The following DHDDS variants were observed in gnomAD, a reference collection of about 807,000 sequenced individuals.
The protein encoded by DHDDS is dehydrodolichyl diphosphate synthase complex subunit DHDDS.
In DHDDS, 16 loss-of-function variants were observed where a neutral mutation model predicts 46.2. That is an observed-to-expected ratio of 0.35 (90% CI 0.23 to 0.53). The LOEUF is 0.53. Among genes scored for constraint, DHDDS ranks in the 20% least tolerant of loss-of-function variants. The pLI, the probability that DHDDS is intolerant of heterozygous loss-of-function variation, is 0.94. For synonymous variants in DHDDS, 151 were observed against 163.1 expected (o/e 0.93, Z 0.56); for missense variants, 340 against 423.7 (o/e 0.80, Z 1.73).
chr1:26,461,454 C>T (rs370189962), intron 8 of DHDDS, among the ~76,000 whole-genome samples: 70 of 149,670 alleles, frequency 4.7e-4, no homozygotes, highest in Admixed American at 1.2e-3. Context: ...GGCGCAATCT[C>T]GGCTCACCGA....
In DHDDS at chr1:26,457,840, C is replaced by G. The variant is rs1288778858; in HGVS notation, c.592C>G (p.Pro198Ala). 1 of 1,613,890 alleles carries G rather than the reference C, an allele frequency of 6.2e-7. No homozygotes were observed. Among genetic ancestry groups the G allele is most frequent in the African/African-American group, 1.3e-5 (1 of 74,852 alleles). ...TAAGTGCCTCTATACCAACCGCTCT[C>G]CTCATCCTGACATCTTGATACGGAC... ...LDKCLYTNRS[P>A]HPDILIRTSG... Residue 198 changes from proline (P) to alanine (A), a missense_variant, in exon 7 of 9, where the codon CCT becomes GCT. This residue lies in a region of DHDDS where 268 missense variants were observed against 300.3 expected (regional missense o/e 0.89). Transcript: ENST00000236342.
intron 2 of DHDDS, among the ~76,000 whole-genome samples, chr1:26,436,524 T>C (rs1261448336): frequency 6.6e-6 from 1 of 151,938 alleles, no homozygotes; most frequent in African/African-American, 2.4e-5. Flanking sequence ...CCCGGGTTCA[T>C]GCCATTCTGC....
rs527415306 is a variant in DHDDS, at chr1:26,467,150, T to C, written c.766-1745T>C. 13 of 328,992 alleles carry C rather than the reference T, an allele frequency of 4.0e-5. No homozygotes were observed. The East Asian group carries it at 9.4e-4, about 24-fold the overall frequency. The allele number at this position is 328,992 out of a possible 1,614,324, so 20.4% of individuals were successfully genotyped here. A position where few individuals can be genotyped will look rare whatever the true frequency, so the allele number is the denominator to read the frequency against. On this transcript the variant is annotated intron_variant, in intron 8 of 8. Transcript: ENST00000236342. ...TTCATCAGCCACACTTGCTTTCTCC[T>C]CTGAACTGCATGACCCTTACCACAT...
chr1:26,455,007 G>T (rs770939337), intron 6 of DHDDS: 2 of 1,386,974 alleles, frequency 1.4e-6, no homozygotes, highest in East Asian at 4.6e-5. Context: ...TTGTAACGTC[G>T]GAATGGTACG....
intron 8 of DHDDS, among the ~76,000 whole-genome samples, chr1:26,462,087 T>A (rs891603588): frequency 2.0e-5 from 3 of 150,838 alleles, no homozygotes; most frequent in African/African-American, 7.4e-5. Flanking sequence ...TAGCAGGGTC[T>A]CACTCTGTTG....
intron 8 of DHDDS, chr1:26,467,189 G>A (rs958911026): frequency 2.1e-5 from 8 of 372,918 alleles, no homozygotes; most frequent in Middle Eastern, 1.3e-3. Context: ...ATTTTGCATC[G>A]TGGCACTCTG....
intron 6 of DHDDS, chr1:26,454,979 C>T: frequency 1.3e-6 from 2 of 1,553,556 alleles, no homozygotes; most frequent in South Asian, 2.2e-5. Context: ...GGCCTGGGCA[C>T]ACCTGCCAGC....
At chr1:26,445,351 A>G (rs12724512) in intron 4 of DHDDS, among the ~76,000 whole-genome samples, 1 of 152,228 alleles carries the variant, frequency 6.6e-6, no homozygotes, top group Non-Finnish European at 1.5e-5. Context: ...AAATGGGACA[A>G]ACTTCACAGA....
At chr1:26,445,348 A>G (rs1472401011) in intron 4 of DHDDS, among the ~76,000 whole-genome samples, 2 of 152,206 alleles carry the variant, frequency 1.3e-5, no homozygotes, top group Admixed American at 1.3e-4. Flanking sequence ...CTCAAATGGG[A>G]CAAACTTCAC....
chr1:26,469,003 G>A lies in DHDDS; in HGVS notation c.874G>A (p.Ala292Thr), dbSNP rs376234168. Residue 292 changes from alanine to threonine, a missense_variant, in exon 9 of 9, where the codon GCC (alanine) becomes ACC (threonine). Physicochemically the swap from Ala to Thr is moderately conservative, Grantham distance 58. Coordinates refer to ENST00000236342, the MANE Select transcript of DHDDS (RefSeq NM_205861.3). ...LREGLQASGD[A>T]QLRRTRLHKL... is the part of the protein sequence containing the mutation. ...AGAGGGGCTCCAAGCCAGTGGGGAC[G>A]CCCAGCTCCGAAGGACACGCTTGCA... 2.7e-5 allele frequency: 43 copies of A among 1,614,000 alleles called. No homozygotes were observed. The highest frequency in any genetic ancestry group is 1.1e-4 in the African/African-American group (8 of 74,938).
chr1:26,452,434 G>A (rs985678762), intron 6 of DHDDS, among the ~76,000 whole-genome samples: 2 of 152,190 alleles, frequency 1.3e-5, no homozygotes, highest in Admixed American at 1.3e-4. Flanking sequence ...GAGACCAAAG[G>A]ATAGTTAATA....
In DHDDS at chr1:26,449,546, G is replaced by A. The variant is rs865902083; in HGVS notation, c.542+1886G>A. 2.6e-5 allele frequency among the ~76,000 whole-genome samples: 4 copies of A among 152,060 alleles called. No homozygotes were observed. The South Asian group carries it at 8.3e-4, about 32-fold the overall frequency. ...CTTCCAAGTAGCTGGGACTACAGGTGTGTGCCACCATGCTCAGCTAATTCT... is the reference window on the plus strand; with the variant it reads ...CTTCCAAGTAGCTGGGACTACAGGTATGTGCCACCATGCTCAGCTAATTCT... On this transcript the variant is annotated intron_variant, in intron 6 of 8. Transcript: ENST00000236342.
At chr1:26,457,194 C>T (rs2075377478) in intron 6 of DHDDS, among the ~76,000 whole-genome samples, 1 of 151,250 alleles carries the variant, frequency 6.6e-6, no homozygotes, top group Non-Finnish European at 1.5e-5. Context: ...CATGGTGGCT[C>T]ATGCCTGTAA....
chr1:26,433,098 G>GCAATTCATGA, intron 2 of DHDDS, 90 bp downstream of exon 2: 1 of 1,364,350 alleles, frequency 7.3e-7, no homozygotes, highest in Non-Finnish European at 1.0e-6. Flanking sequence ...GATGTTAAGT[G>GCAATTCATGA]CAATTCATGA....
rs1350431679 is a variant in DHDDS at position 26,468,876 on chromosome 1, C to G, written c.766-19C>G. On this transcript the variant is annotated intron_variant, in intron 8 of 8. Coordinates refer to ENST00000236342, the MANE Select transcript of DHDDS (RefSeq NM_205861.3). ...CTAAAAATGATCTCCCCACCCCAAT[C>G]CCCACTTTTCTCTAGCAGAAGGCCC... 1 of 1,416,620 alleles carries G rather than the reference C, an allele frequency of 7.1e-7. No individual in the cohort carries two copies. Among genetic ancestry groups the G allele is most frequent in the Admixed American group, 1.9e-5 (1 of 53,588 alleles). The allele number at this position is 1,416,620 out of a possible 1,614,324, so 87.8% of individuals were successfully genotyped here. A position where few individuals can be genotyped will look rare whatever the true frequency, so the allele number is the denominator to read the frequency against.
chr1:26,435,727 G>A (rs949095787), intron 2 of DHDDS, among the ~76,000 whole-genome samples: 1 of 152,036 alleles, frequency 6.6e-6, no homozygotes, highest in African/African-American at 2.4e-5. Flanking sequence ...CAGTTCTCCT[G>A]CCTCAGCCTC....
chr1:26,442,967 A>T, intron 4 of DHDDS, 94 bp downstream of exon 4: 1 of 1,592,834 alleles, frequency 6.3e-7, no homozygotes. Flanking sequence ...TACTTAAGGG[A>T]CTTGCAACTC....
chr1:26,454,386 T>C (rs2075350808), intron 6 of DHDDS, among the ~76,000 whole-genome samples: 1 of 152,142 alleles, frequency 6.6e-6, no homozygotes, highest in Non-Finnish European at 1.5e-5. Context: ...CTAAAGTAGG[T>C]AGAAGAAACT....
intron 8 of DHDDS, among the ~76,000 whole-genome samples, chr1:26,463,813 CTT>C (rs1033099484): frequency 2.0e-5 from 3 of 151,662 alleles, no homozygotes; most frequent in Non-Finnish European, 2.9e-5. Flanking sequence ...GCCTGAAACT[CTT>C]GTTTCTTGTA....
Sources: gnomAD v4.1 joint callset for allele counts (sites outside exome capture counted in the v4.1 genomes callset) on GRCh38, gnomAD v4.1.1 for gene constraint, gnomAD v4.1.1 regional missense constraint, MANE v1.5 for transcripts, NCBI Gene and HGNC (gene_info 2026-07-23, HGNC 2026-07-21) for gene names.